MAML3: variants seen among roughly 807,000 people sequenced by gnomAD.
MAML3 encodes the protein mastermind like transcriptional coactivator 3, also known as mastermind-like protein 3.
In MAML3, 27 loss-of-function variants were observed where a neutral mutation model predicts 101.9. The ratio of observed to expected loss-of-function variants is 0.27; its 90% CI spans 0.20 to 0.37. The LOEUF (loss-of-function observed/expected upper bound fraction) is 0.37. MAML3 is among the 10% of genes least tolerant of loss of function. The pLI is 1.00. For missense variants in MAML3, 1,316 were observed against 1,444.9 expected (o/e 0.91, Z 1.45); for synonymous variants, 501 against 555.9 (o/e 0.90, Z 1.39).
chr4:140,036,513 C>T (rs1045957214), intron 1 of MAML3, among the ~76,000 whole-genome samples: 1 of 152,218 alleles, frequency 6.6e-6, no homozygotes, highest in Non-Finnish European at 1.5e-5. Context: ...GCTAGATCAG[C>T]ACCTCTCCTG....
At chr4:140,101,984 A>T (rs1281536647) in intron 1 of MAML3, among the ~76,000 whole-genome samples, 1 of 151,874 alleles carries the variant, frequency 6.6e-6, no homozygotes, top group Non-Finnish European at 1.5e-5. Context: ...AGAAGAAGTC[A>T]TCTGTGCCAT....
intron 2 of MAML3, among the ~76,000 whole-genome samples, chr4:139,862,081 C>G (rs1043186427): frequency 6.6e-6 from 1 of 152,054 alleles, no homozygotes; most frequent in East Asian, 1.9e-4. Flanking sequence ...TGGTGGCAGG[C>G]ACCTGTAATC....
chr4:139,891,479 T>C lies in MAML3; in HGVS notation c.469-512A>G, dbSNP rs545519224. The stretch of plus-strand genomic sequence containing the variant: ...TTTTTGTAGAGATGGGGTTTCACCC[T>C]GTTGGCTAGGCTGATCTGGAACTCC... On this transcript the variant is annotated intron_variant, in intron 1 of 4. Coordinates refer to ENST00000509479, the MANE Select transcript of MAML3 (RefSeq NM_018717.5). Among the ~76,000 whole-genome samples the C allele has an allele frequency of 2.6e-5, 4 of 152,286 alleles. No individual in the cohort carries two copies. The South Asian group carries it at 6.2e-4, about 24-fold the overall frequency.
At chr4:140,050,327 C>T (rs1727246823) in intron 1 of MAML3, among the ~76,000 whole-genome samples, 1 of 152,208 alleles carries the variant, frequency 6.6e-6, no homozygotes, top group Admixed American at 6.5e-5. Context: ...ATCCTTCTTT[C>T]GTTCGTAGAG....
At chr4:139,962,124 G>T (rs927001687) in intron 1 of MAML3, among the ~76,000 whole-genome samples, 15 of 144,376 alleles carry the variant, frequency 1.0e-4, no homozygotes, top group Non-Finnish European at 1.7e-4. Context: ...TCCTGTTTTT[G>T]TTTTTTTTTT....
At chr4:139,816,040 T>G (rs910222313) in intron 2 of MAML3, among the ~76,000 whole-genome samples, 8 of 152,164 alleles carry the variant, frequency 5.3e-5, no homozygotes, top group Non-Finnish European at 1.2e-4. Flanking sequence ...ACTGCCAAGC[T>G]CTGAGACCTA....
chr4:140,023,748 A>G (rs1726774485), intron 1 of MAML3, among the ~76,000 whole-genome samples: 2 of 152,246 alleles, frequency 1.3e-5, no homozygotes, highest in Admixed American at 6.5e-5. Flanking sequence ...CTACACTCTT[A>G]GGCCACATTC....
At chr4:140,123,897 A>T (rs1344058318) in intron 1 of MAML3, among the ~76,000 whole-genome samples, 6 of 152,220 alleles carry the variant, frequency 3.9e-5, no homozygotes, top group African/African-American at 1.4e-4. Flanking sequence ...AGGTGGTGCG[A>T]GGTGAGACCT....
At chr4:139,811,983 C>T (rs150428399) in intron 2 of MAML3, among the ~76,000 whole-genome samples, 5 of 152,240 alleles carry the variant, frequency 3.3e-5, no homozygotes, top group African/African-American at 1.2e-4. Context: ...TAAAGAGGTG[C>T]CAGGCATGGT....
rs530301350 is a variant in MAML3 at position 140,000,657 on chromosome 4, T to G, written c.469-109690A>C. 6.6e-5 allele frequency among the ~76,000 whole-genome samples: 10 copies of G among 152,192 alleles called. No individual in the cohort carries two copies. The East Asian group carries it at 1.9e-3, about 29-fold the overall frequency. On this transcript the variant is annotated intron_variant, in intron 1 of 4. Coordinates refer to ENST00000509479, the MANE Select transcript of MAML3 (RefSeq NM_018717.5). ...TCCTAAAGGAGAAGAAGAATGGCGG[T>G]GGGGAACGGGACAAAGATTGGCTCA...
intron 1 of MAML3, among the ~76,000 whole-genome samples, chr4:139,963,236 T>C (rs1054988319): frequency 1.3e-5 from 2 of 152,150 alleles, no homozygotes; most frequent in Non-Finnish European, 2.9e-5. Flanking sequence ...TTGGGCAACA[T>C]AGCGAGACCC....
intron 1 of MAML3, among the ~76,000 whole-genome samples, chr4:140,001,127 T>A (rs554890888): frequency 1.5e-4 from 23 of 152,266 alleles, no homozygotes; most frequent in Admixed American, 3.3e-4. Context: ...TATCAAAACA[T>A]AGATTGATTT....
At chr4:139,866,474 C>T (rs939554761) in intron 2 of MAML3, among the ~76,000 whole-genome samples, 2 of 152,118 alleles carry the variant, frequency 1.3e-5, no homozygotes, top group Admixed American at 6.5e-5. Context: ...ACTCAGTCAC[C>T]GACAGAAGGC....
In MAML3 at chr4:139,809,532, C is replaced by T. The variant is rs540863157; in HGVS notation, c.2080-78865G>A. On this transcript the variant is annotated intron_variant, in intron 2 of 4. Coordinates refer to ENST00000509479, the MANE Select transcript of MAML3 (RefSeq NM_018717.5). ...CTTATGGAGATGTGACCCTGGTCCC[C>T]ACCCTCTGCTAGATTGTGCACCGGC... Among the ~76,000 whole-genome samples, 8 of 152,302 alleles carry T rather than the reference C, an allele frequency of 5.3e-5. No individual in the cohort carries two copies. The South Asian group carries it at 1.7e-3, about 32-fold the overall frequency.
At chr4:139,911,705 C>T (rs1732928134) in intron 1 of MAML3, among the ~76,000 whole-genome samples, 1 of 152,052 alleles carries the variant, frequency 6.6e-6, no homozygotes, top group Non-Finnish European at 1.5e-5. Flanking sequence ...AAAGGTAGTG[C>T]CCTTATAAGA....
intron 1 of MAML3, among the ~76,000 whole-genome samples, chr4:140,007,420 C>A (rs1450357190): frequency 6.6e-6 from 1 of 152,042 alleles, no homozygotes; most frequent in Non-Finnish European, 1.5e-5. Context: ...ATGCTAATTC[C>A]TAGTAGCTAA....
intron 1 of MAML3, among the ~76,000 whole-genome samples, chr4:140,015,627 G>A (rs1433486663): frequency 6.6e-6 from 1 of 152,138 alleles, no homozygotes; most frequent in Admixed American, 6.6e-5. Context: ...GGAAGTGCTA[G>A]CCAGGGCAAT....
In MAML3 at chr4:140,153,490, G is replaced by C. The variant is rs1056268182; in HGVS notation, c.-163C>G. The C allele has an allele frequency of 8.0e-6, 6 of 751,384 alleles. No homozygotes were observed. In the Admixed American group the frequency reaches 1.9e-4, roughly 23 times the overall value. 46.5% of individuals were successfully genotyped at this position (751,384 alleles called of 1,614,324 possible). On this transcript the variant is annotated 5_prime_UTR_variant, in exon 1 of 5. Coordinates refer to ENST00000509479, the MANE Select transcript of MAML3 (RefSeq NM_018717.5). ...CGACGGGGCGAAAAAAACGGGGGGGGAGATTTTGGGGTGGTTTTTGTTTCC... is the reference window on the plus strand; with the variant it reads ...CGACGGGGCGAAAAAAACGGGGGGGCAGATTTTGGGGTGGTTTTTGTTTCC...
At chr4:139,848,678 T>A (rs1369864789) in intron 2 of MAML3, among the ~76,000 whole-genome samples, 3 of 152,228 alleles carry the variant, frequency 2.0e-5, no homozygotes, top group African/African-American at 7.2e-5. Flanking sequence ...TTGAGAGATA[T>A]GCACTTACGT....
Sources: gnomAD v4.1 joint callset for allele counts (sites outside exome capture counted in the v4.1 genomes callset) on GRCh38, gnomAD v4.1.1 for gene constraint, MANE v1.5 for transcripts, NCBI Gene and HGNC (gene_info 2026-07-23, HGNC 2026-07-21) for gene names.